The following RSRC1 variants were observed in gnomAD, a reference collection of about 807,000 sequenced individuals.
The protein encoded by RSRC1 is arginine and serine rich coiled-coil 1.
RSRC1 carries 39 observed loss-of-function variants against 49.1 expected under a neutral mutation model. The ratio of observed to expected loss-of-function variants is 0.79; its 90% CI spans 0.61 to 1.04. RSRC1 has a LOEUF of 1.04. RSRC1 is among the 50% of genes least tolerant of loss of function. RSRC1 has a pLI of 0.00. For missense variants in RSRC1, 388 were observed against 402.4 expected (o/e 0.96, Z 0.31); for synonymous variants, 143 against 130.8 (o/e 1.09, Z -0.63).
intron 7 of RSRC1, among the ~76,000 whole-genome samples, chr3:158,511,457 A>AT (rs1202014175): frequency 2.0e-4 from 31 of 152,094 alleles, no homozygotes; most frequent in Admixed American, 3.3e-4. Flanking sequence ...TGAACTCATC[A>AT]TTTTTTATGG....
intron 4 of RSRC1, among the ~76,000 whole-genome samples, chr3:158,248,269 G>A (rs1473744949): frequency 1.3e-5 from 2 of 152,106 alleles, no homozygotes; most frequent in Non-Finnish European, 2.9e-5. Flanking sequence ...ACATAGACAG[G>A]AGTCACTGTA....
chr3:158,512,472 A>G (rs1221803150), intron 7 of RSRC1, among the ~76,000 whole-genome samples: 1 of 151,884 alleles, frequency 6.6e-6, no homozygotes, highest in East Asian at 1.9e-4. Flanking sequence ...CCATTGATCT[A>G]TATCTGTGTT....
At chr3:158,116,250 CTTCATTTTCAAGAA>C (rs1385136519) in intron 1 of RSRC1, among the ~76,000 whole-genome samples, 2 of 152,016 alleles carry the variant, frequency 1.3e-5, no homozygotes, top group Admixed American at 1.3e-4. Context: ...GGAAGGATCC[CTTCATTTTCAAGAA>C]AAGGTTTTCC....
chr3:158,145,199 C>A (rs1320714223), intron 3 of RSRC1, among the ~76,000 whole-genome samples: 1 of 152,156 alleles, frequency 6.6e-6, no homozygotes, highest in Non-Finnish European at 1.5e-5. Context: ...GACATGAAGT[C>A]CTTGCCCATG....
chr3:158,531,416 TG>T (rs1484294824), intron 7 of RSRC1, among the ~76,000 whole-genome samples: 1 of 151,940 alleles, frequency 6.6e-6, no homozygotes, highest in Non-Finnish European at 1.5e-5. Context: ...TTTCACTTAT[TG>T]AAATATTTAA....
At chr3:158,248,897 T>C (rs1724054906) in intron 4 of RSRC1, among the ~76,000 whole-genome samples, 2 of 114,874 alleles carry the variant, frequency 1.7e-5, no homozygotes, top group Admixed American at 1.7e-4. Flanking sequence ...TCTATAGGCC[T>C]AGTACCACTG....
intron 4 of RSRC1, among the ~76,000 whole-genome samples, chr3:158,285,281 G>T (rs1275786255): frequency 6.6e-6 from 1 of 152,196 alleles, no homozygotes. Flanking sequence ...GTACCATGCT[G>T]TTTTGGTTAC....
Position 158,381,499 on chromosome 3 carries a change from A to G in RSRC1, c.583+26591A>G, listed in dbSNP as rs186880427. ...CCATTTATCATTGTGTGAACATCAT[A>G]GAGTGTACAGTCATATATCACTTGA... On this transcript the variant is annotated intron_variant, in intron 6 of 9. Transcript: ENST00000611884. Among the ~76,000 whole-genome samples, 38 of 152,318 alleles carry G rather than the reference A, an allele frequency of 2.5e-4. 1 individual carries two copies. The highest frequency in any genetic ancestry group is 2.1e-3 in the Admixed American group (32 of 15,304).
chr3:158,510,918 A>G (rs987383337), intron 7 of RSRC1, among the ~76,000 whole-genome samples: 8 of 152,330 alleles, frequency 5.3e-5, no homozygotes, highest in African/African-American at 1.9e-4. Flanking sequence ...TTGACCAACT[A>G]CAATGGTGAG....
At chr3:158,490,336 A>G (rs113838610) in intron 7 of RSRC1, among the ~76,000 whole-genome samples, 1,786 of 152,184 alleles carry the variant, frequency 0.012, 29 homozygotes, top group African/African-American at 0.041. Flanking sequence ...CACCCACCTC[A>G]CCCTTCCAAA....
chr3:158,217,765 T>TGTGGG (rs112702432), intron 4 of RSRC1, among the ~76,000 whole-genome samples: 1 of 141,444 alleles, frequency 7.1e-6, no homozygotes, highest in South Asian at 2.2e-4. Flanking sequence ...TGTGTGTGTG[T>TGTGGG]GGGGGGGGAA....
At chr3:158,325,826 G>A (rs932330661) in intron 5 of RSRC1, among the ~76,000 whole-genome samples, 6 of 152,112 alleles carry the variant, frequency 3.9e-5, no homozygotes, top group African/African-American at 1.4e-4. Context: ...GGGCAGTATG[G>A]CCATTTTCAC....
At chr3:158,517,754 AATTTTTTTTTTTTTTTTTTTTTTTTTTTT>A (rs146809013) in intron 7 of RSRC1, among the ~76,000 whole-genome samples, 42,912 of 109,344 alleles carry the variant, frequency 0.39, 6,802 homozygotes, top group South Asian at 0.51. Context: ...ACACCCAGCT[AATTTTTTTTTTTTTTTTTTTTTTTTTTTT>A]TTTTTTTTTT....
chr3:158,492,421 C>G (rs1739123169), intron 7 of RSRC1, among the ~76,000 whole-genome samples: 1 of 152,190 alleles, frequency 6.6e-6, no homozygotes, highest in Non-Finnish European at 1.5e-5. Context: ...TAAGATTAGA[C>G]AATTTTGAAC....
chr3:158,354,394 T>C (rs1731048473), intron 5 of RSRC1, among the ~76,000 whole-genome samples: 1 of 152,222 alleles, frequency 6.6e-6, no homozygotes, highest in East Asian at 1.9e-4. Flanking sequence ...AGCCAAATTG[T>C]GTCCTATCTT....
chr3:158,233,939 A>G (rs532073671), intron 4 of RSRC1, among the ~76,000 whole-genome samples: 2 of 152,272 alleles, frequency 1.3e-5, no homozygotes, highest in Non-Finnish European at 2.9e-5. Context: ...ATCTCCCTGG[A>G]TAACCTGCTG....
At chr3:158,330,003 G>A (rs1029509887) in intron 5 of RSRC1, among the ~76,000 whole-genome samples, 2 of 152,204 alleles carry the variant, frequency 1.3e-5, no homozygotes, top group African/African-American at 4.8e-5. Flanking sequence ...AGCAATGAGC[G>A]AGGCTCCGTG....
chr3:158,159,111 T>C (rs1473739990), intron 3 of RSRC1, among the ~76,000 whole-genome samples: 1 of 152,128 alleles, frequency 6.6e-6, no homozygotes, highest in Non-Finnish European at 1.5e-5. Context: ...CAGTGTAGTT[T>C]GGCTGGCCTG....
chr3:158,441,372 A>G (rs1406384272), intron 6 of RSRC1, among the ~76,000 whole-genome samples: 1 of 152,062 alleles, frequency 6.6e-6, no homozygotes, highest in Admixed American at 6.6e-5. Context: ...ACAAACAAAG[A>G]CTTTTTTAAA....
Sources: allele counts gnomAD v4.1 joint callset (sites outside exome capture counted in the v4.1 genomes callset), GRCh38; gene constraint gnomAD v4.1.1; transcripts MANE v1.5; gene names NCBI Gene and HGNC (gene_info 2026-07-23, HGNC 2026-07-21).